Variants in PPP3CA observed in about 807,000 individuals in gnomAD.
The protein encoded by PPP3CA is protein phosphatase 3 catalytic subunit alpha, also known as CAM-PRP catalytic subunit.
Under a neutral mutation model 66.5 loss-of-function variants are expected in PPP3CA, and 14 were observed. That is an observed-to-expected ratio of 0.21 (90% confidence interval 0.14 to 0.33). PPP3CA has a LOEUF of 0.33. Among genes scored for constraint, PPP3CA ranks in the 10% least tolerant of loss-of-function variants. The pLI is 1.00. For synonymous variants in PPP3CA, 232 were observed against 226.2 expected (o/e 1.03, Z -0.23); for missense variants, 317 against 639.5 (o/e 0.50, Z 5.44).
chr4:101,335,419 T>C (rs1246696827), intron 1 of PPP3CA, among the ~76,000 whole-genome samples: 1 of 152,050 alleles, frequency 6.6e-6, no homozygotes, highest in Non-Finnish European at 1.5e-5. Context: ...TGTCTCTCAA[T>C]AGCCCCACTA....
intron 2 of PPP3CA, among the ~76,000 whole-genome samples, chr4:101,128,302 G>C (rs1161570531): frequency 6.6e-6 from 1 of 152,062 alleles, no homozygotes; most frequent in Non-Finnish European, 1.5e-5. Context: ...AATGATAAAT[G>C]TTTGTGATGA....
Position 101,229,132 on chromosome 4 carries a change from C to T in PPP3CA, c.59-33016G>A, listed in dbSNP as rs79249976. Reference sequence around the variant, plus strand: ...TCTTCAATAGGTGCTGCAGGTGGTACAAGAACACAAAACATTTTTTAGGGA... The same window carrying T: ...TCTTCAATAGGTGCTGCAGGTGGTATAAGAACACAAAACATTTTTTAGGGA... On this transcript the variant is annotated intron_variant, in intron 1 of 13. Coordinates refer to ENST00000394854, the MANE Select transcript of PPP3CA (RefSeq NM_000944.5). Among the ~76,000 whole-genome samples, 92 of 151,620 alleles carry T rather than the reference C, an allele frequency of 6.1e-4. No individual in the cohort carries two copies. In the East Asian group the frequency reaches 0.015, roughly 25 times the overall value.
At chr4:101,145,468 A>T (rs1206132866) in intron 2 of PPP3CA, among the ~76,000 whole-genome samples, 1 of 152,190 alleles carries the variant, frequency 6.6e-6, no homozygotes, top group African/African-American at 2.4e-5. Flanking sequence ...AGATCCTGTT[A>T]TTTGCAACAA....
chr4:101,135,908 A>T (rs1037600629), intron 2 of PPP3CA, among the ~76,000 whole-genome samples: 1 of 152,232 alleles, frequency 6.6e-6, no homozygotes, highest in Non-Finnish European at 1.5e-5. Flanking sequence ...TTCAAATGGC[A>T]GCACTAGCAC....
chr4:101,079,631 T>A (rs547799545), intron 8 of PPP3CA, among the ~76,000 whole-genome samples: 2 of 152,310 alleles, frequency 1.3e-5, no homozygotes, highest in East Asian at 3.9e-4. Flanking sequence ...TCCATTTCTC[T>A]TAATCTCAGA....
chr4:101,337,471 G>C (rs1410201399), intron 1 of PPP3CA, among the ~76,000 whole-genome samples: 2 of 152,150 alleles, frequency 1.3e-5, no homozygotes, highest in Non-Finnish European at 2.9e-5. Flanking sequence ...AGGGCACGTG[G>C]AACGAGATAG....
intron 1 of PPP3CA, among the ~76,000 whole-genome samples, chr4:101,289,669 A>G (rs1182727181): frequency 1.3e-5 from 2 of 152,150 alleles, no homozygotes; most frequent in East Asian, 3.8e-4. Flanking sequence ...TTTAGTGTAT[A>G]CATTTTCATA....
intron 3 of PPP3CA, among the ~76,000 whole-genome samples, chr4:101,106,159 C>T (rs1383242525): frequency 6.6e-6 from 1 of 151,416 alleles, no homozygotes; most frequent in Non-Finnish European, 1.5e-5. Context: ...CCTGTGTCTA[C>T]TAAAAATAAA....
At chr4:101,058,983 T>C (rs1390181970) in intron 10 of PPP3CA, among the ~76,000 whole-genome samples, 2 of 152,118 alleles carry the variant, frequency 1.3e-5, no homozygotes, top group Non-Finnish European at 2.9e-5. Flanking sequence ...CAGTGGACTT[T>C]GCAAAAAACA....
At chr4:101,106,362 T>G (rs1204441419) in intron 3 of PPP3CA, among the ~76,000 whole-genome samples, 1 of 51,352 alleles carries the variant, frequency 1.9e-5, no homozygotes, top group Admixed American at 2.6e-4. Flanking sequence ...CCTGTCTCAT[T>G]TAAAAGAGAG....
At chr4:101,295,119 G>A (rs1252169363) in intron 1 of PPP3CA, among the ~76,000 whole-genome samples, 1 of 150,330 alleles carries the variant, frequency 6.7e-6, no homozygotes, top group Non-Finnish European at 1.5e-5. Context: ...GGCTAACAAG[G>A]TGAAACCCCG....
chr4:101,220,422 A>G (rs913918962), intron 1 of PPP3CA, among the ~76,000 whole-genome samples: 9 of 151,430 alleles, frequency 5.9e-5, no homozygotes, highest in Non-Finnish European at 1.2e-4. Flanking sequence ...CTATCTCTTT[A>G]TAATCAAACT....
chr4:101,151,476 T>G (rs1723135562), intron 2 of PPP3CA, among the ~76,000 whole-genome samples: 1 of 150,592 alleles, frequency 6.6e-6, no homozygotes, highest in Non-Finnish European at 1.5e-5. Context: ...AGAGAATCGC[T>G]TGAACCCGGG....
intron 11 of PPP3CA, among the ~76,000 whole-genome samples, chr4:101,033,391 A>ACT (rs1727099233): frequency 1.3e-5 from 2 of 151,924 alleles, no homozygotes; most frequent in South Asian, 4.2e-4. Context: ...GTCTCACGTG[A>ACT]CTCAAACAGA....
intron 1 of PPP3CA, among the ~76,000 whole-genome samples, chr4:101,227,001 A>G (rs1725803866): frequency 6.6e-6 from 1 of 151,776 alleles, no homozygotes; most frequent in African/African-American, 2.4e-5. Context: ...TTTTGCAATT[A>G]AACATGATCT....
chr4:101,139,375 C>T (rs34505183), intron 2 of PPP3CA, among the ~76,000 whole-genome samples: 29,996 of 149,490 alleles, frequency 0.2, 3,317 homozygotes, highest in Admixed American at 0.33. Flanking sequence ...AAAGGACAAC[C>T]CATTAAAGGT....
intron 10 of PPP3CA, among the ~76,000 whole-genome samples, chr4:101,042,372 C>T (rs1016209629): frequency 6.6e-6 from 1 of 152,094 alleles, no homozygotes; most frequent in Non-Finnish European, 1.5e-5. Context: ...AAACAGCCTA[C>T]ATTTGTGTCC....
At chr4:101,252,499 A>T (rs1726709952) in intron 1 of PPP3CA, among the ~76,000 whole-genome samples, 1 of 152,168 alleles carries the variant, frequency 6.6e-6, no homozygotes, top group South Asian at 2.1e-4. Context: ...ACTAAGGCAT[A>T]CCACTGTGAA....
At chr4:101,089,359 A>G (rs1158770006) in intron 6 of PPP3CA, among the ~76,000 whole-genome samples, 7 of 150,556 alleles carry the variant, frequency 4.6e-5, no homozygotes, top group Non-Finnish European at 1.0e-4. Flanking sequence ...GAAGCGGCTG[A>G]TAAGAGTGTC....
Sources: allele counts gnomAD v4.1 joint callset (sites outside exome capture counted in the v4.1 genomes callset), GRCh38; gene constraint gnomAD v4.1.1; transcripts MANE v1.5; gene names NCBI Gene and HGNC (gene_info 2026-07-23, HGNC 2026-07-21).